The following RAPGEF4 variants were observed in gnomAD, a reference collection of about 807,000 sequenced individuals.
RAPGEF4 encodes Rap guanine nucleotide exchange factor 4.
In RAPGEF4, 66 loss-of-function variants were observed where a neutral mutation model predicts 147.9. That is an observed-to-expected ratio of 0.45 (90% confidence interval 0.37 to 0.55). RAPGEF4 has a LOEUF of 0.55. Ranked by LOEUF, RAPGEF4 falls within the 20% of genes least tolerant of loss-of-function variation. The pLI, the probability that RAPGEF4 is intolerant of heterozygous loss-of-function variation, is 0.00. For synonymous variants in RAPGEF4, 419 were observed against 442.7 expected (o/e 0.95, Z 0.67); for missense variants, 1,071 against 1,257.3 (o/e 0.85, Z 2.24).
In RAPGEF4 at chr2:172,932,676, TTAAA is replaced by T. The variant is rs557470912; in HGVS notation, c.537+10379_537+10382del. On this transcript the variant is annotated intron_variant, in intron 6 of 30. Coordinates refer to ENST00000397081, the MANE Select transcript of RAPGEF4 (RefSeq NM_007023.4). The stretch of plus-strand genomic sequence containing the variant: ...ACAAAGACTCAAACACAACAGCATC[TTAAA>T]TAGATTTTTTTTTACTCATGTTAAC... Among the ~76,000 whole-genome samples, 206 of 152,350 alleles carry T rather than the reference TTAAA, an allele frequency of 1.4e-3. 1 individual carries two copies. Among genetic ancestry groups the T allele is most frequent in the African/African-American group, 4.6e-3 (191 of 41,582 alleles).
intron 14 of RAPGEF4, among the ~76,000 whole-genome samples, chr2:172,989,182 T>A (rs568732175): frequency 5.3e-5 from 8 of 152,328 alleles, no homozygotes; most frequent in Admixed American, 3.9e-4. Flanking sequence ...CTTCTTTTTG[T>A]CCTTCCCATC....
chr2:172,946,870 A>G (rs778422659), intron 6 of RAPGEF4, among the ~76,000 whole-genome samples: 1 of 152,246 alleles, frequency 6.6e-6, no homozygotes, highest in Admixed American at 6.5e-5. Context: ...ATCAGTGCTG[A>G]CACTGACAGG....
At chr2:172,787,240 C>T (rs1468730644) in intron 1 of RAPGEF4, among the ~76,000 whole-genome samples, 2 of 151,914 alleles carry the variant, frequency 1.3e-5, no homozygotes, top group East Asian at 3.9e-4. Flanking sequence ...AATTTAAAAA[C>T]CCTATTCCTT....
At chr2:173,038,866 T>G (rs149723899) in intron 29 of RAPGEF4, among the ~76,000 whole-genome samples, 169 of 152,314 alleles carry the variant, frequency 1.1e-3, no homozygotes, top group African/African-American at 3.9e-3. Flanking sequence ...TAAAAGTTGT[T>G]TCATCTGAGT....
intron 17 of RAPGEF4, among the ~76,000 whole-genome samples, chr2:173,002,207 A>G (rs1379154286): frequency 6.6e-6 from 1 of 152,126 alleles, no homozygotes; most frequent in Non-Finnish European, 1.5e-5. Flanking sequence ...ACTGTAGGAT[A>G]ACTTTCTTTT....
intron 25 of RAPGEF4, 131 bp from the exon 26 acceptor site, chr2:173,030,033 A>T: frequency 1.6e-6 from 1 of 610,748 alleles, no homozygotes; most frequent in Non-Finnish European, 2.9e-6. Flanking sequence ...ACAGTACATT[A>T]AATCTATCAT....
chr2:172,937,949 C>T (rs926082661), intron 6 of RAPGEF4, among the ~76,000 whole-genome samples: 5 of 152,124 alleles, frequency 3.3e-5, no homozygotes, highest in African/African-American at 1.2e-4. Flanking sequence ...CTTTGACACA[C>T]TCCCATCACT....
In RAPGEF4 at chr2:172,964,596, G is replaced by A. The variant is rs367620198; in HGVS notation, c.699-966G>A. 5.9e-5 allele frequency among the ~76,000 whole-genome samples: 9 copies of A among 152,086 alleles called. 1 individual carries two copies. Among genetic ancestry groups the A allele is most frequent in the African/African-American group, 1.4e-4 (6 of 41,484 alleles). ...CAACTAGAGAGGAGCTCCTTAGCCC[G>A]TGCCCCAGAGGTGGTGCTGTGCTTA... On this transcript the variant is annotated intron_variant, in intron 8 of 30. Coordinates refer to ENST00000397081, the MANE Select transcript of RAPGEF4 (RefSeq NM_007023.4).
chr2:172,889,029 A>G (rs1477795350), intron 4 of RAPGEF4, among the ~76,000 whole-genome samples: 13 of 152,176 alleles, frequency 8.5e-5, no homozygotes, highest in Non-Finnish European at 2.9e-5. Flanking sequence ...GAGAAGAGGA[A>G]AGACAACTGT....
At chr2:172,904,148 C>T (rs1221154626) in intron 4 of RAPGEF4, among the ~76,000 whole-genome samples, 1 of 152,150 alleles carries the variant, frequency 6.6e-6, no homozygotes, top group Non-Finnish European at 1.5e-5. Context: ...TCCATGATTT[C>T]TATTACTGAC....
chr2:172,884,370 C>T (rs989939697), intron 4 of RAPGEF4, among the ~76,000 whole-genome samples: 1 of 152,230 alleles, frequency 6.6e-6, no homozygotes, highest in Non-Finnish European at 1.5e-5. Flanking sequence ...CTTGTGTTTG[C>T]AGTCAGTAGT....
intron 6 of RAPGEF4, among the ~76,000 whole-genome samples, chr2:172,959,469 C>T (rs1689067343): frequency 6.6e-6 from 1 of 152,106 alleles, no homozygotes; most frequent in East Asian, 1.9e-4. Flanking sequence ...GTCCCTTTTG[C>T]CGTGTAACCT....
At chr2:173,018,887 T>C in intron 22 of RAPGEF4, 85 bp downstream of exon 22, 2 of 1,438,946 alleles carry the variant, frequency 1.4e-6, no homozygotes, top group East Asian at 2.3e-5. Flanking sequence ...AGCGTGGTCA[T>C]GTGAGGCTCA....
chr2:172,799,190 G>A (rs945487442), intron 3 of RAPGEF4, among the ~76,000 whole-genome samples: 1 of 152,184 alleles, frequency 6.6e-6, no homozygotes, highest in Admixed American at 6.5e-5. Context: ...AGTGTTCCAA[G>A]CACTTAACAG....
chr2:173,046,067 GT>G (rs1198234655), intron 29 of RAPGEF4, among the ~76,000 whole-genome samples: 1 of 152,190 alleles, frequency 6.6e-6, no homozygotes, highest in African/African-American at 2.4e-5. Context: ...ATCACTGTGG[GT>G]TCACACCATT....
intron 26 of RAPGEF4, among the ~76,000 whole-genome samples, chr2:173,031,903 C>T (rs1697227111): frequency 6.6e-6 from 1 of 151,978 alleles, no homozygotes; most frequent in South Asian, 2.1e-4. Context: ...AGTTTATGTA[C>T]CTGCACTTGC....
At chr2:172,829,167 T>C (rs1247296248) in intron 4 of RAPGEF4, among the ~76,000 whole-genome samples, 1 of 152,222 alleles carries the variant, frequency 6.6e-6, no homozygotes, top group African/African-American at 2.4e-5. Context: ...CAGTGGGAAC[T>C]AGACACACTC....
intron 17 of RAPGEF4, among the ~76,000 whole-genome samples, chr2:173,011,057 A>G (rs973144050): frequency 2.6e-5 from 4 of 152,038 alleles, no homozygotes; most frequent in Non-Finnish European, 2.9e-5. Context: ...GATTTGGTCA[A>G]TTCTATCTCC....
At chr2:173,004,288 C>T (rs758242527) in intron 17 of RAPGEF4, among the ~76,000 whole-genome samples, 1 of 152,030 alleles carries the variant, frequency 6.6e-6, no homozygotes, top group Non-Finnish European at 1.5e-5. Context: ...TGATTTGACC[C>T]GATGAATACA....
Sources: gnomAD v4.1 joint callset for allele counts (sites outside exome capture counted in the v4.1 genomes callset) on GRCh38, gnomAD v4.1.1 for gene constraint, MANE v1.5 for transcripts, NCBI Gene and HGNC (gene_info 2026-07-23, HGNC 2026-07-21) for gene names.